The following USP20 variants were observed in gnomAD, a reference collection of about 807,000 sequenced individuals.
USP20 encodes ubiquitin carboxyl-terminal hydrolase 20.
Under a neutral mutation model 124.2 loss-of-function variants are expected in USP20, and 80 were observed. The ratio of observed to expected loss-of-function variants is 0.64; its 90% CI spans 0.54 to 0.78. The LOEUF (loss-of-function observed/expected upper bound fraction) is 0.78. USP20 is among the 30% of genes least tolerant of loss of function. The probability of loss-of-function intolerance (pLI) is 0.00; values close to 1 mark genes in which losing one functional copy is unlikely to be tolerated. For synonymous variants in USP20, 481 were observed against 512.3 expected (o/e 0.94, Z 0.83); for missense variants, 1,043 against 1,244.4 (o/e 0.84, Z 2.44).
chr9:129,843,703 C>T (rs181368572), intron 1 of USP20, among the ~76,000 whole-genome samples: 49 of 152,270 alleles, frequency 3.2e-4, no homozygotes, highest in African/African-American at 1.1e-3. Flanking sequence ...CACCACTGCA[C>T]TCCAGCCTGG....
Position 129,873,535 on chromosome 9 carries a change from C to G in USP20, c.1694+20C>G, listed in dbSNP as rs1184886211. On this transcript the variant is annotated intron_variant, in intron 16 of 25. Coordinates refer to ENST00000372429, the MANE Select transcript of USP20 (RefSeq NM_001110303.4). ...TAAGAAGTAAGTGAGCCTTCCCCCG[C>G]CTTCTCCCTAACTGCCGTTTCTGTG... 1 of 1,614,212 alleles carries G rather than the reference C, an allele frequency of 6.2e-7. No homozygotes were observed. Among genetic ancestry groups the G allele is most frequent in the South Asian group, 1.1e-5 (1 of 91,092 alleles).
At chr9:129,869,497 T>C in intron 13 of USP20, 72 bp downstream of exon 13, 2 of 1,554,468 alleles carry the variant, frequency 1.3e-6, no homozygotes, top group Non-Finnish European at 1.8e-6. Context: ...CCTGACTGGG[T>C]GCAGGGTGGG....
chr9:129,868,887 C>T lies in USP20; in HGVS notation c.1161C>T (p.Arg387=). The T allele has an allele frequency of 6.3e-7, 1 of 1,597,662 alleles. No homozygotes were observed. The highest frequency in any genetic ancestry group is 8.5e-7 in the Non-Finnish European group (1 of 1,169,700). The change falls in exon 12 of 26, where the codon CGC becomes CGT. Residue 387 remains arginine (R), a synonymous_variant. Transcript: ENST00000372429. ...TPEPDNDAHL[R]SSSRPCSPVH... ...AGCCGGACAATGATGCTCACCTACG[C>T]AGCTCCTCTCGCCCCTGCAGCCCCG...
intron 3 of USP20, among the ~76,000 whole-genome samples, chr9:129,853,610 G>A (rs76828885): frequency 0.013 from 1,955 of 152,352 alleles, 20 homozygotes; most frequent in Middle Eastern, 0.024. Flanking sequence ...GTGGCCTTTG[G>A]CCTGAGCTGG....
At chr9:129,853,816 TGGA>T (rs1169628001) in intron 3 of USP20, among the ~76,000 whole-genome samples, 1 of 152,046 alleles carries the variant, frequency 6.6e-6, no homozygotes, top group Admixed American at 6.6e-5. Flanking sequence ...AGAAGAGAGG[TGGA>T]GCACAGGAAG....
chr9:129,862,567 A>AAT (rs2033604546), intron 8 of USP20, among the ~76,000 whole-genome samples: 1 of 150,996 alleles, frequency 6.6e-6, no homozygotes, highest in African/African-American at 2.4e-5. Context: ...AAAAAAAGAA[A>AAT]AATTGACCGC....
intron 1 of USP20, among the ~76,000 whole-genome samples, chr9:129,846,449 G>T (rs1220192915): frequency 3.8e-4 from 57 of 149,904 alleles, no homozygotes; most frequent in Non-Finnish European, 6.8e-4. Context: ...GTAGAGATGG[G>T]GTTTCACCAT....
intron 10 of USP20, among the ~76,000 whole-genome samples, chr9:129,867,268 C>T (rs1243471947): frequency 6.6e-6 from 1 of 152,206 alleles, no homozygotes; most frequent in African/African-American, 2.4e-5. Context: ...CTCAGTGGGG[C>T]TCACTGGGCG....
At chr9:129,838,738 G>A (rs1471849615) in intron 1 of USP20, among the ~76,000 whole-genome samples, 1 of 152,150 alleles carries the variant, frequency 6.6e-6, no homozygotes, top group Non-Finnish European at 1.5e-5. Context: ...TTTTTTCTAA[G>A]GTTTCTAGTC....
Position 129,869,844 on chromosome 9 carries a change from G to C in USP20, c.1565G>C (p.Arg522Pro). ...WLAFIVEYIR[R>P]FVVSCTPSWF... ...GCCTTCATTGTGGAGTACATCCGAC[G>C]GTGCGCCCACCTTGCCACTACTGGG... Residue 522 changes from arginine to proline, a missense_variant and splice_region_variant, in exon 14 of 26, where the codon CGG becomes CCG. By Grantham distance (103) the Arg-to-Pro change is moderately radical. Coordinates refer to ENST00000372429, the MANE Select transcript of USP20 (RefSeq NM_001110303.4). The C allele has an allele frequency of 6.2e-7, 1 of 1,612,336 alleles. No individual in the cohort carries two copies. Among genetic ancestry groups the C allele is most frequent in the Non-Finnish European group, 8.5e-7 (1 of 1,179,546 alleles).
intron 22 of USP20, among the ~76,000 whole-genome samples, 194 bp downstream of exon 22, chr9:129,876,432 A>G (rs911065622): frequency 3.9e-5 from 6 of 152,180 alleles, no homozygotes; most frequent in Non-Finnish European, 7.4e-5. Context: ...TGAGGTCAGG[A>G]GTTTGAAACC....
At chr9:129,857,042 A>G (rs779320189) in intron 4 of USP20, among the ~76,000 whole-genome samples, 2 of 151,932 alleles carry the variant, frequency 1.3e-5, no homozygotes, top group African/African-American at 2.4e-5. Flanking sequence ...AATGACTGTT[A>G]CTTAAAATTT....
intron 2 of USP20, among the ~76,000 whole-genome samples, chr9:129,851,829 A>C (rs2032936306): frequency 6.6e-6 from 1 of 152,012 alleles, no homozygotes; most frequent in Non-Finnish European, 1.5e-5. Flanking sequence ...CATCTCTTGA[A>C]ACCCATCACC....
chr9:129,840,810 A>C (rs909624981), intron 1 of USP20, among the ~76,000 whole-genome samples: 2 of 134,992 alleles, frequency 1.5e-5, no homozygotes, highest in Non-Finnish European at 3.1e-5. Flanking sequence ...TGCTCTTGTC[A>C]CCCAGGCTGG....
intron 1 of USP20, among the ~76,000 whole-genome samples, chr9:129,843,768 A>T (rs751749148): frequency 7.2e-5 from 11 of 151,816 alleles, no homozygotes; most frequent in Non-Finnish European, 1.2e-4. Context: ...AAACAAAAAG[A>T]TTTAGTCAAA....
Position 129,878,309 on chromosome 9 carries a change from G to T in USP20, c.2410-29G>T, listed in dbSNP as rs1481852649. The T allele has an allele frequency of 1.9e-6, 3 of 1,547,412 alleles. No homozygotes were observed. The South Asian group carries it at 3.6e-5, about 18-fold the overall frequency. ...GTAAATAGAGACTGACCTGCCCTCT[G>T]TCTCCTCCCGTCCCTGCCCGCCTGC... On this transcript the variant is annotated intron_variant, in intron 22 of 25. Transcript: ENST00000372429.
At position 129,861,012 on chromosome 9, in the gene USP20, G is replaced by A. The variant is rs780428144; in HGVS notation, c.406G>A (p.Asp136Asn). The A allele has an allele frequency of 1.9e-6, 3 of 1,614,078 alleles. No homozygotes were observed. The highest frequency in any genetic ancestry group is 2.5e-6 in the Non-Finnish European group (3 of 1,180,014). Residue 136 changes from aspartate (D) to asparagine (N), a missense_variant, in exon 7 of 26, where the codon GAC (aspartate) becomes AAC (asparagine). Transcript: ENST00000372429. The part of the protein sequence containing the change: ...VADEGESESE[D>N]DDLKPRGLTG... Reference sequence around the variant, plus strand: ...TGATGAAGGAGAGTCTGAGTCAGAGGACGATGACCTGAAACCTCGAGGTAA... The same window carrying A: ...TGATGAAGGAGAGTCTGAGTCAGAGAACGATGACCTGAAACCTCGAGGTAA...
rs2034538968 is a variant in USP20, at chr9:129,879,278, C to T, written c.2513-295C>T. ...GCCGAGGCTAAATGAGATAGCTGGG[C>T]AGAGGGGAAGGGGCGTGGTGAGCGG... On this transcript the variant is annotated intron_variant, in intron 23 of 25. Transcript: ENST00000372429. The surrounding 1 kb of genome is among the most constrained non-coding windows in gnomAD (Gnocchi z 4.2). 2.4e-6 allele frequency: 1 copy of T among 420,412 alleles called. No homozygotes were observed. The highest frequency in any genetic ancestry group is 4.3e-6 in the Non-Finnish European group (1 of 233,294). The allele number at this position is 420,412 out of a possible 1,614,324, so 26.0% of individuals were successfully genotyped here.
At chr9:129,866,963 T>C (rs2033848393) in intron 10 of USP20, among the ~76,000 whole-genome samples, 2 of 151,546 alleles carry the variant, frequency 1.3e-5, no homozygotes, top group African/African-American at 2.4e-5. Context: ...CCTTGGGGAG[T>C]CCCTCCTGAG....
Sources: gnomAD v4.1 joint callset for allele counts (sites outside exome capture counted in the v4.1 genomes callset) on GRCh38, gnomAD v4.1.1 for gene constraint, Gnocchi (gnomAD v3.1) non-coding constraint, MANE v1.5 for transcripts, NCBI Gene and HGNC (gene_info 2026-07-23, HGNC 2026-07-21) for gene names.